Variants in EBF2 observed in about 807,000 individuals in gnomAD.
EBF2 encodes transcription factor COE2.
Under a neutral mutation model 72.8 loss-of-function variants are expected in EBF2, and 21 were observed. The observed-to-expected ratio is 0.29, with a 90% confidence interval of 0.20 to 0.42. The LOEUF (loss-of-function observed/expected upper bound fraction) is 0.42, where lower values mean the gene tolerates loss of function less well. EBF2 is among the 10% of genes least tolerant of loss of function. The pLI is 1.00. For missense variants in EBF2, 637 were observed against 731.2 expected, an observed-to-expected ratio of 0.87 and a Z score of 1.49; for synonymous variants, 299 against 274.2, an observed-to-expected ratio of 1.09 and a Z score of -0.89.
At chr8:25,921,130 T>C (rs965606421) in intron 6 of EBF2, among the ~76,000 whole-genome samples, 6 of 152,194 alleles carry the variant, frequency 3.9e-5, no homozygotes, top group Non-Finnish European at 7.3e-5. Context: ...TTGGTACCTA[T>C]GGAATTATCA....
intron 6 of EBF2, among the ~76,000 whole-genome samples, chr8:25,914,668 T>C (rs944350100): frequency 3.3e-5 from 5 of 152,216 alleles, no homozygotes; most frequent in African/African-American, 1.2e-4. Context: ...CCCAAGAAGA[T>C]TCAAGGAAAG....
At chr8:25,882,719 A>C (rs1474893048) in intron 10 of EBF2, among the ~76,000 whole-genome samples, 2 of 152,172 alleles carry the variant, frequency 1.3e-5, no homozygotes, top group African/African-American at 2.4e-5. Flanking sequence ...ATTCAAGAAC[A>C]ATTCAGAAGG....
At chr8:25,986,018 A>AAAAAAAAAAAAAAAAAAAC (rs1804448209) in intron 6 of EBF2, among the ~76,000 whole-genome samples, 2 of 149,636 alleles carry the variant, frequency 1.3e-5, no homozygotes, top group African/African-American at 2.5e-5. Context: ...AAAAAAAAAA[A>AAAAAAAAAAAAAAAAAAAC]AAAAAAAGTA....
At chr8:25,982,234 T>C (rs1804374237) in intron 6 of EBF2, among the ~76,000 whole-genome samples, 2 of 152,196 alleles carry the variant, frequency 1.3e-5, no homozygotes, top group Admixed American at 1.3e-4. Context: ...CCACTGCCAA[T>C]TCTGTGAGCT....
At chr8:25,927,807 T>C (rs556248706) in intron 6 of EBF2, among the ~76,000 whole-genome samples, 1 of 152,338 alleles carries the variant, frequency 6.6e-6, no homozygotes, top group African/African-American at 2.4e-5. Flanking sequence ...GTTATTATAG[T>C]GCAGAAATAA....
chr8:26,013,725 A>G (rs1805064519), intron 6 of EBF2, among the ~76,000 whole-genome samples: 1 of 152,214 alleles, frequency 6.6e-6, no homozygotes, highest in South Asian at 2.1e-4. Flanking sequence ...AGACACAACA[A>G]GATGACTCCA....
At chr8:26,043,141 G>A (rs1001607542) in intron 1 of EBF2, among the ~76,000 whole-genome samples, 3 of 152,210 alleles carry the variant, frequency 2.0e-5, no homozygotes, top group Non-Finnish European at 4.4e-5. Flanking sequence ...GCCCTCGAGC[G>A]TGCTGAGTGT....
intron 7 of EBF2, among the ~76,000 whole-genome samples, chr8:25,898,900 C>T (rs995608675): frequency 2.0e-5 from 3 of 152,176 alleles, no homozygotes; most frequent in Non-Finnish European, 4.4e-5. Flanking sequence ...GGTTCAGCGG[C>T]AGGTTTGTGT....
intron 6 of EBF2, among the ~76,000 whole-genome samples, chr8:25,947,377 G>C (rs1478971934): frequency 1.3e-5 from 2 of 152,104 alleles, no homozygotes; most frequent in Non-Finnish European, 2.9e-5. Context: ...CGTGTGTAAC[G>C]GTGAGTCAAT....
intron 14 of EBF2, 45 bp from the exon 15 acceptor site, chr8:25,850,806 C>T: frequency 6.5e-7 from 1 of 1,531,882 alleles, no homozygotes; most frequent in South Asian, 1.3e-5. Context: ...TAAGATCTTC[C>T]TTCAGTTCAC....
chr8:25,886,616 A>G lies in EBF2; in HGVS notation c.1009+139T>C, dbSNP rs1802692995. The G allele has an allele frequency of 2.9e-6, 3 of 1,017,182 alleles. No homozygotes were observed. The Admixed American group carries it at 8.4e-5, about 29-fold the overall frequency. 63.0% of individuals were successfully genotyped at this position (1,017,182 alleles called of 1,614,324 possible). On this transcript the variant is annotated intron_variant, in intron 10 of 15. Coordinates refer to ENST00000520164, the MANE Select transcript of EBF2 (RefSeq NM_022659.4). ...AAGTGAACCTTCACATCACCATTCA[A>G]CATCTATCACTCAGCTCACTCTTTC... is the stretch of plus-strand genomic sequence containing the variant.
intron 6 of EBF2, among the ~76,000 whole-genome samples, chr8:25,967,315 A>T (rs1294565635): frequency 6.6e-6 from 1 of 152,268 alleles, no homozygotes; most frequent in Non-Finnish European, 1.5e-5. Flanking sequence ...AATTGGATCC[A>T]TGTACAGATG....
chr8:26,035,189 C>G (rs1193558738), intron 5 of EBF2, among the ~76,000 whole-genome samples: 2 of 150,528 alleles, frequency 1.3e-5, no homozygotes, highest in East Asian at 3.9e-4. Context: ...GTTGCTCAGG[C>G]TGGAATGCAG....
intron 6 of EBF2, among the ~76,000 whole-genome samples, chr8:25,959,048 C>A (rs1803993616): frequency 6.6e-6 from 1 of 152,118 alleles, no homozygotes; most frequent in Non-Finnish European, 1.5e-5. Context: ...GATGCAGACC[C>A]CGAGGGGAGG....
At chr8:25,897,214 T>A (rs1383661561) in intron 7 of EBF2, among the ~76,000 whole-genome samples, 1 of 141,096 alleles carries the variant, frequency 7.1e-6, no homozygotes, top group Non-Finnish European at 1.5e-5. Flanking sequence ...TGCTCTTTTC[T>A]TTTTTTTTAA....
chr8:25,849,521 C>T (rs1801915485), intron 15 of EBF2, among the ~76,000 whole-genome samples: 1 of 152,160 alleles, frequency 6.6e-6, no homozygotes, highest in African/African-American at 2.4e-5. Flanking sequence ...AAACCTCTTC[C>T]CTTTTTAGTT....
intron 7 of EBF2, among the ~76,000 whole-genome samples, chr8:25,908,075 T>G (rs1803068896): frequency 6.6e-6 from 1 of 152,108 alleles, no homozygotes; most frequent in African/African-American, 2.4e-5. Context: ...GACCACTGAA[T>G]AGTTAATCGG....
At chr8:25,855,470 C>G (rs764512948) in intron 14 of EBF2, among the ~76,000 whole-genome samples, 59 of 152,180 alleles carry the variant, frequency 3.9e-4, no homozygotes, top group Non-Finnish European at 7.3e-4. Flanking sequence ...TTCTGATACT[C>G]TACGTTGGCT....
At chr8:25,885,102 A>G (rs548678877) in intron 10 of EBF2, among the ~76,000 whole-genome samples, 84 of 151,604 alleles carry the variant, frequency 5.5e-4, no homozygotes, top group Non-Finnish European at 1.0e-3. Context: ...TATTAACACC[A>G]TTTCTTTTTT....
Sources: allele counts gnomAD v4.1 joint callset (sites outside exome capture counted in the v4.1 genomes callset), GRCh38; gene constraint gnomAD v4.1.1; transcripts MANE v1.5; gene names NCBI Gene and HGNC (gene_info 2026-07-23, HGNC 2026-07-21).